PCSK5: variants seen among roughly 807,000 people sequenced by gnomAD.
PCSK5 encodes the protein prohormone convertase 5.
PCSK5 carries 129 observed loss-of-function variants against 233.2 expected under a neutral mutation model. That is an observed-to-expected ratio of 0.55 (90% CI 0.48 to 0.64). The LOEUF (loss-of-function observed/expected upper bound fraction) is 0.64. Among genes scored for constraint, PCSK5 ranks in the 30% least tolerant of loss-of-function variants. PCSK5 has a pLI of 0.00. For synonymous variants in PCSK5, 825 were observed against 879.2 expected, an observed-to-expected ratio of 0.94 and a Z score of 1.09; for missense variants, 2,076 against 2,430.1, an observed-to-expected ratio of 0.85 and a Z score of 3.06.
chr9:76,064,471 C>T (rs1209538786), intron 5 of PCSK5, among the ~76,000 whole-genome samples: 1 of 145,772 alleles, frequency 6.9e-6, no homozygotes, highest in East Asian at 2.1e-4. Flanking sequence ...GACCCCCCAC[C>T]TCCCTCCCGG....
At chr9:76,259,797 C>A (rs1302619261) in intron 24 of PCSK5, among the ~76,000 whole-genome samples, 1 of 152,066 alleles carries the variant, frequency 6.6e-6, no homozygotes, top group Non-Finnish European at 1.5e-5. Flanking sequence ...CCTTGTGGAG[C>A]ATGGAAGAGC....
At chr9:76,070,526 G>A (rs751224620) in intron 6 of PCSK5, among the ~76,000 whole-genome samples, 8 of 152,084 alleles carry the variant, frequency 5.3e-5, no homozygotes, top group Non-Finnish European at 1.0e-4. Context: ...AAAGGATAAA[G>A]GGTCACATCT....
At chr9:76,150,629 A>G (rs766701954) in intron 10 of PCSK5, among the ~76,000 whole-genome samples, 4 of 152,154 alleles carry the variant, frequency 2.6e-5, no homozygotes, top group Non-Finnish European at 5.9e-5. Context: ...GTGAAACTCC[A>G]TCTCTAAATA....
At chr9:75,902,978 A>G (rs1262593220) in intron 1 of PCSK5, among the ~76,000 whole-genome samples, 1 of 152,190 alleles carries the variant, frequency 6.6e-6, no homozygotes, top group Non-Finnish European at 1.5e-5. Context: ...TTTAAGGATG[A>G]TTTTTTAAAA....
intron 21 of PCSK5, among the ~76,000 whole-genome samples, chr9:76,230,588 G>A (rs1275779577): frequency 6.6e-6 from 1 of 152,212 alleles, no homozygotes; most frequent in African/African-American, 2.4e-5. Flanking sequence ...GAGCTGGGCT[G>A]CACAGCAGCA....
intron 3 of PCSK5, among the ~76,000 whole-genome samples, chr9:75,992,306 A>G (rs1296918662): frequency 1.3e-5 from 2 of 152,182 alleles, no homozygotes; most frequent in Admixed American, 6.5e-5. Flanking sequence ...GGCTTATTCA[A>G]TTTACAATAG....
chr9:76,064,979 A>C (rs1473124809), intron 5 of PCSK5, among the ~76,000 whole-genome samples: 5 of 152,210 alleles, frequency 3.3e-5, no homozygotes, highest in Non-Finnish European at 7.4e-5. Flanking sequence ...GGGCCACTGC[A>C]TCTGGCCAGG....
At chr9:76,097,043 T>A (rs1245290966) in intron 8 of PCSK5, among the ~76,000 whole-genome samples, 1 of 151,592 alleles carries the variant, frequency 6.6e-6, no homozygotes, top group Non-Finnish European at 1.5e-5. Flanking sequence ...GTGATTCTCC[T>A]GCCTAAGCCT....
intron 24 of PCSK5, among the ~76,000 whole-genome samples, chr9:76,249,241 G>A (rs1035929022): frequency 6.6e-6 from 1 of 152,092 alleles, no homozygotes; most frequent in Non-Finnish European, 1.5e-5. Context: ...TGATGCACAG[G>A]ACTGCTCCCC....
intron 2 of PCSK5, among the ~76,000 whole-genome samples, chr9:75,983,054 C>T (rs1165500552): frequency 1.3e-5 from 2 of 151,978 alleles, no homozygotes; most frequent in Non-Finnish European, 2.9e-5. Context: ...TAGAATAATA[C>T]CATTATCATA....
At chr9:76,201,694 A>G (rs1824921353) in intron 20 of PCSK5, among the ~76,000 whole-genome samples, 1 of 152,232 alleles carries the variant, frequency 6.6e-6, no homozygotes, top group Non-Finnish European at 1.5e-5. Context: ...TGATCATTAA[A>G]GTTAGTAACA....
In PCSK5 at chr9:76,043,179, T is replaced by C. The variant is rs561253676; in HGVS notation, c.632+16142T>C. On this transcript the variant is annotated intron_variant, in intron 5 of 37. Coordinates refer to ENST00000674117, the MANE Select transcript of PCSK5 (RefSeq NM_001372043.1). Reference sequence around the variant, plus strand: ...GGCTAACACGGTGAAACCCCGTCTCTACTAAAAATACAAAAAATTACCGGG... The same window carrying C: ...GGCTAACACGGTGAAACCCCGTCTCCACTAAAAATACAAAAAATTACCGGG... Among the ~76,000 whole-genome samples the C allele has an allele frequency of 1.6e-3, 238 of 151,912 alleles. 1 individual carries two copies. The highest frequency in any genetic ancestry group is 5.4e-3 in the African/African-American group (225 of 41,460).
At chr9:76,024,882 AATCC>A (rs1191992017) in intron 4 of PCSK5, among the ~76,000 whole-genome samples, 1 of 152,214 alleles carries the variant, frequency 6.6e-6, no homozygotes, top group Non-Finnish European at 1.5e-5. Context: ...CAAACAAGCA[AATCC>A]AACTTTGGTT....
At chr9:76,164,203 G>A (rs1822997485) in intron 12 of PCSK5, among the ~76,000 whole-genome samples, 1 of 152,156 alleles carries the variant, frequency 6.6e-6, no homozygotes, top group Admixed American at 6.5e-5. Context: ...GTGGGTTGCA[G>A]TAAAAATTAC....
chr9:75,920,249 A>G (rs991593218), intron 1 of PCSK5, among the ~76,000 whole-genome samples: 1 of 152,154 alleles, frequency 6.6e-6, no homozygotes, highest in Non-Finnish European at 1.5e-5. Context: ...TCAGAGTGAC[A>G]GGGTCATAAG....
chr9:75,904,090 A>G (rs988929778), intron 1 of PCSK5, among the ~76,000 whole-genome samples: 3 of 152,094 alleles, frequency 2.0e-5, no homozygotes, highest in African/African-American at 4.8e-5. Flanking sequence ...TCACGGACCA[A>G]TTTGCCAAAT....
chr9:75,900,620 A>G (rs1463779132), intron 1 of PCSK5, among the ~76,000 whole-genome samples: 1 of 148,058 alleles, frequency 6.8e-6, no homozygotes, highest in African/African-American at 2.5e-5. Context: ...CTGAGGCATC[A>G]GTGAGCCGAG....
rs932749816 is a variant in PCSK5, at chr9:76,358,694, C to T, written c.5436C>T (p.Pro1812=). The T allele has an allele frequency of 6.2e-7, 1 of 1,612,846 alleles. No individual in the cohort carries two copies. Among genetic ancestry groups the T allele is most frequent in the Non-Finnish European group, 8.5e-7 (1 of 1,179,880 alleles). ...AKAGYEKLAD[P]NKSYSSYKSS... ...CCGGCTATGAAAAACTGGCCGACCCCAACAAGTCTTACTCCTCCTATAAGA... is the reference window on the plus strand; with the variant it reads ...CCGGCTATGAAAAACTGGCCGACCCTAACAAGTCTTACTCCTCCTATAAGA... The change falls in exon 38 of 38, where the codon CCC becomes CCT. Residue 1812 remains proline (P), a synonymous_variant. Transcript: ENST00000674117.
intron 2 of PCSK5, among the ~76,000 whole-genome samples, chr9:75,978,127 T>G (rs2131377039): frequency 6.6e-6 from 1 of 152,322 alleles, no homozygotes; most frequent in South Asian, 2.1e-4. Context: ...GCTCCTTTTT[T>G]TCCACTCCCT....
Sources: allele counts gnomAD v4.1 joint callset (sites outside exome capture counted in the v4.1 genomes callset), GRCh38; gene constraint gnomAD v4.1.1; transcripts MANE v1.5; gene names NCBI Gene and HGNC (gene_info 2026-07-23, HGNC 2026-07-21).